The following PRKAG2 variants were observed in gnomAD, a reference collection of about 807,000 sequenced individuals.
The protein encoded by PRKAG2 is protein kinase AMP-activated non-catalytic subunit gamma 2, also known as 5'-AMP-activated protein kinase subunit gamma-2.
PRKAG2 carries 26 observed loss-of-function variants against 69.6 expected under a neutral mutation model. The ratio of observed to expected loss-of-function variants is 0.37; its 90% CI spans 0.27 to 0.52. The LOEUF (loss-of-function observed/expected upper bound fraction) is 0.52, where lower values mean the gene tolerates loss of function less well. PRKAG2 is among the 20% of genes least tolerant of loss of function. PRKAG2 has a pLI of 0.90. For missense variants in PRKAG2, 557 were observed against 740.0 expected, an observed-to-expected ratio of 0.75 and a Z score of 2.87; for synonymous variants, 293 against 285.0, an observed-to-expected ratio of 1.03 and a Z score of -0.28.
intron 5 of PRKAG2, among the ~76,000 whole-genome samples, chr7:151,598,637 A>T (rs185084511): frequency 1.5e-4 from 23 of 152,324 alleles, no homozygotes; most frequent in Admixed American, 1.4e-3. Flanking sequence ...GCAAATAGAA[A>T]AAAAAGGCTA....
At chr7:151,839,600 G>A (rs1303251904) in intron 1 of PRKAG2, among the ~76,000 whole-genome samples, 2 of 152,198 alleles carry the variant, frequency 1.3e-5, no homozygotes, top group Non-Finnish European at 1.5e-5. Flanking sequence ...CTTCACCCAC[G>A]AGAATTCCTT....
intron 1 of PRKAG2, among the ~76,000 whole-genome samples, chr7:151,841,065 T>C (rs758973339): frequency 5.9e-5 from 9 of 152,228 alleles, no homozygotes; most frequent in Non-Finnish European, 1.0e-4. Flanking sequence ...CTCAGCTCAC[T>C]GCACCCTTGG....
intron 1 of PRKAG2, among the ~76,000 whole-genome samples, chr7:151,861,546 A>AAAAAAAAAC: frequency 6.6e-6 from 1 of 151,534 alleles, no homozygotes; most frequent in African/African-American, 2.4e-5. Context: ...AAAAAAAAAA[A>AAAAAAAAAC]AAGAATCACC....
intron 4 of PRKAG2, among the ~76,000 whole-genome samples, chr7:151,666,682 A>ATGGC (rs1392711492): frequency 6.6e-6 from 1 of 152,142 alleles, no homozygotes; most frequent in Non-Finnish European, 1.5e-5. Context: ...ATGCCCTCCC[A>ATGGC]TGGCTGGCAA....
At chr7:151,596,334 C>T (rs369770875) in intron 5 of PRKAG2, among the ~76,000 whole-genome samples, 3 of 151,962 alleles carry the variant, frequency 2.0e-5, no homozygotes, top group South Asian at 2.1e-4. Flanking sequence ...GACAACTATC[C>T]GAAATAGAAA....
chr7:151,669,882 T>TTGCATGCACACATACC (rs1554526926), intron 4 of PRKAG2, among the ~76,000 whole-genome samples: 27 of 73,246 alleles, frequency 3.7e-4, no homozygotes, highest in African/African-American at 1.2e-3. Context: ...GCACACACAG[T>TTGCATGCACACATACC]TGCATGCACA....
At chr7:151,676,121 A>T (rs1266315493) in intron 3 of PRKAG2, among the ~76,000 whole-genome samples, 2 of 151,940 alleles carry the variant, frequency 1.3e-5, no homozygotes, top group Non-Finnish European at 2.9e-5. Flanking sequence ...TTTCCCCAGC[A>T]TGGCGCCAAG....
chr7:151,560,262 CA>C (rs1202832213), intron 15 of PRKAG2: 1 of 1,356,214 alleles, frequency 7.4e-7, no homozygotes, highest in African/African-American at 1.5e-5. Flanking sequence ...ATGAACATGG[CA>C]ATGGCTCCCA....
chr7:151,833,045 G>A (rs1209982847), intron 1 of PRKAG2, among the ~76,000 whole-genome samples: 2 of 152,200 alleles, frequency 1.3e-5, no homozygotes, highest in Non-Finnish European at 2.9e-5. Context: ...GAAGATTCAG[G>A]AACAGAAAGA....
chr7:151,578,079 G>T (rs529944734), intron 6 of PRKAG2, among the ~76,000 whole-genome samples: 2 of 150,082 alleles, frequency 1.3e-5, no homozygotes, highest in African/African-American at 4.9e-5. Flanking sequence ...AGTGGCCCAC[G>T]CCTGTAATCC....
intron 1 of PRKAG2, among the ~76,000 whole-genome samples, chr7:151,863,971 A>G (rs886699276): frequency 6.6e-6 from 1 of 151,922 alleles, no homozygotes; most frequent in African/African-American, 2.4e-5. Flanking sequence ...TTATCACAGT[A>G]GTAAACTCTA....
chr7:151,735,785 C>A (rs1369039015), intron 3 of PRKAG2: 4 of 1,373,018 alleles, frequency 2.9e-6, no homozygotes, highest in Non-Finnish European at 3.9e-6. Flanking sequence ...ATGTTATATC[C>A]CAGTTGGAAG....
chr7:151,801,821 CAG>C (rs970922320), intron 1 of PRKAG2, among the ~76,000 whole-genome samples: 5 of 152,186 alleles, frequency 3.3e-5, no homozygotes, highest in African/African-American at 7.2e-5. Flanking sequence ...GTACAAAAAA[CAG>C]GGGGTTGTTT....
chr7:151,782,635 C>T (rs557454551), intron 2 of PRKAG2, among the ~76,000 whole-genome samples: 1 of 152,326 alleles, frequency 6.6e-6, no homozygotes, highest in South Asian at 2.1e-4. Context: ...TGCCCTGCCT[C>T]TGGGTGCCGG....
Position 151,700,440 on chromosome 7 carries a change from G to A in PRKAG2, c.467-24803C>T, listed in dbSNP as rs187567209. Among the ~76,000 whole-genome samples the A allele has an allele frequency of 4.6e-3, 703 of 152,320 alleles. 20 individuals are homozygous for A. Among genetic ancestry groups the A allele is most frequent in the Admixed American group, 0.042 (642 of 15,296 alleles). ...AGACTCTTCAGTGACCGACAGACAC[G>A]TCAGGGTGAGATACGCGGCTGTAGG... On this transcript the variant is annotated intron_variant, in intron 3 of 15. Transcript: ENST00000287878.
chr7:151,763,561 G>A (rs1030888912), intron 3 of PRKAG2, among the ~76,000 whole-genome samples: 2 of 152,192 alleles, frequency 1.3e-5, no homozygotes, highest in Admixed American at 6.5e-5. Context: ...TGCCCCACAC[G>A]CTTTCCTTCC....
At chr7:151,819,339 A>G (rs1881631) in intron 1 of PRKAG2, among the ~76,000 whole-genome samples, 150,137 of 152,318 alleles carry the variant, frequency 0.99, 74,026 homozygotes, top group Middle Eastern at 1. Flanking sequence ...AAAATCGCCT[A>G]TAGGGATTTG....
At position 151,595,448 on chromosome 7, in the gene PRKAG2, TC is replaced by T; in HGVS notation, c.760del (p.Glu254LysfsTer12). 6.2e-7 allele frequency: 1 copy of T among 1,612,874 alleles called. No individual in the cohort carries two copies. Among genetic ancestry groups the T allele is most frequent in the Non-Finnish European group, 8.5e-7 (1 of 1,179,070 alleles). ...CATGTAAACACCACTTTCTGAGTCT[TC>T]TACTGCTAAAAGAAAAAAAGGCAAA... ...EKLEFEDEAV[E>X]DSESGVYMRF... is the part of the protein sequence containing the mutation. On this transcript the variant is annotated frameshift_variant, in exon 6 of 16. Coordinates refer to ENST00000287878, the MANE Select transcript of PRKAG2 (RefSeq NM_016203.4). LOFTEE classifies it high-confidence loss of function.
chr7:151,766,486 A>G (rs1270498625), intron 3 of PRKAG2, among the ~76,000 whole-genome samples: 1 of 152,240 alleles, frequency 6.6e-6, no homozygotes, highest in Non-Finnish European at 1.5e-5. Flanking sequence ...GGAGAAAACC[A>G]AAGGCGAGGC....
Sources: gnomAD v4.1 joint callset for allele counts (sites outside exome capture counted in the v4.1 genomes callset) on GRCh38, gnomAD v4.1.1 for gene constraint, MANE v1.5 for transcripts, NCBI Gene and HGNC (gene_info 2026-07-23, HGNC 2026-07-21) for gene names.